Variants in CADM1 observed in about 807,000 individuals in gnomAD.
CADM1 encodes the protein TSLC-1.
In CADM1, 15 loss-of-function variants were observed where a neutral mutation model predicts 53.1. The ratio of observed to expected loss-of-function variants is 0.28; its 90% confidence interval spans 0.19 to 0.44. CADM1 has a LOEUF of 0.44. CADM1 is among the 20% of genes least tolerant of loss of function. CADM1 has a pLI of 1.00. For synonymous variants in CADM1, 281 were observed against 243.0 expected, an observed-to-expected ratio of 1.16 and a Z score of -1.45; for missense variants, 434 against 611.3, an observed-to-expected ratio of 0.71 and a Z score of 3.06.
chr11:115,214,650 T>TG lies in CADM1; in HGVS notation c.951dup (p.Ile318HisfsTer68). ...TAATCCGAGTGAGCTTTCCCCACTA[T>TG]GTTTGAAGCTTCACAGCGGTATGTA... On this transcript the variant is annotated frameshift_variant, in exon 7 of 12. Transcript: ENST00000331581. LOFTEE classifies it high-confidence loss of function. 1 of 1,614,080 alleles carries TG rather than the reference T, an allele frequency of 6.2e-7. No individual in the cohort carries two copies. Among genetic ancestry groups the TG allele is most frequent in the Non-Finnish European group, 8.5e-7 (1 of 1,179,946 alleles).
intron 1 of CADM1, among the ~76,000 whole-genome samples, chr11:115,277,901 T>C (rs1218461844): frequency 1.3e-5 from 2 of 152,138 alleles, no homozygotes; most frequent in African/African-American, 4.8e-5. Flanking sequence ...GCAGAACTCC[T>C]TTCTCTACTG....
chr11:115,356,794 G>C (rs1266708959), intron 1 of CADM1, among the ~76,000 whole-genome samples: 2 of 152,010 alleles, frequency 1.3e-5, no homozygotes, highest in Non-Finnish European at 2.9e-5. Flanking sequence ...ATATACACAC[G>C]AGACAAACTG....
intron 1 of CADM1, among the ~76,000 whole-genome samples, chr11:115,491,552 C>A (rs1447415007): frequency 6.6e-6 from 1 of 151,384 alleles, no homozygotes; most frequent in African/African-American, 2.4e-5. Context: ...GGCAACAGAG[C>A]AAGACTCCAT....
chr11:115,435,969 A>T (rs547960911), intron 1 of CADM1, among the ~76,000 whole-genome samples: 37 of 152,258 alleles, frequency 2.4e-4, no homozygotes, highest in African/African-American at 8.2e-4. Flanking sequence ...ACATCTAAGA[A>T]ACCTACAAAA....
At chr11:115,231,516 T>G (rs1263356623) in intron 3 of CADM1, 26 bp from the exon 4 acceptor site, 2 of 1,610,872 alleles carry the variant, frequency 1.2e-6, no homozygotes, top group Non-Finnish European at 1.7e-6. Context: ...ATGTGCTTTA[T>G]AAACACAGAA....
At chr11:115,443,700 A>G (rs534874566) in intron 1 of CADM1, among the ~76,000 whole-genome samples, 147 of 152,366 alleles carry the variant, frequency 9.6e-4, no homozygotes, top group Non-Finnish European at 1.9e-3. Flanking sequence ...TGAATCAGTC[A>G]TTCGAAAAAC....
chr11:115,461,466 G>A (rs1236767772), intron 1 of CADM1, among the ~76,000 whole-genome samples: 4 of 152,166 alleles, frequency 2.6e-5, no homozygotes, highest in African/African-American at 9.6e-5. Context: ...CAGCCATGAG[G>A]GAATAAGAAA....
At chr11:115,259,026 C>T (rs1942881454) in intron 1 of CADM1, among the ~76,000 whole-genome samples, 1 of 152,022 alleles carries the variant, frequency 6.6e-6, no homozygotes, top group Admixed American at 6.6e-5. Flanking sequence ...TGCTCTGTCA[C>T]CATGGCTGGA....
At chr11:115,220,790 G>A (rs12791813) in intron 5 of CADM1, among the ~76,000 whole-genome samples, 52,710 of 152,002 alleles carry the variant, frequency 0.35, 11,054 homozygotes, top group Non-Finnish European at 0.47. Flanking sequence ...AAACTTAAGC[G>A]TTTTCAACAG....
chr11:115,288,036 T>C (rs1372978409), intron 1 of CADM1, among the ~76,000 whole-genome samples: 1 of 152,172 alleles, frequency 6.6e-6, no homozygotes, highest in African/African-American at 2.4e-5. Context: ...AGCAAGGCCT[T>C]GTGATGAAAT....
At chr11:115,292,402 A>G (rs141357335) in intron 1 of CADM1, among the ~76,000 whole-genome samples, 3 of 152,348 alleles carry the variant, frequency 2.0e-5, no homozygotes, top group African/African-American at 4.8e-5. Context: ...AATGATTTCA[A>G]TGGAAAACAA....
In CADM1 at chr11:115,209,591, A is replaced by ATGG. The variant is rs747352768; in HGVS notation, c.1058_1060dup (p.Thr353dup). 3.2e-3 allele frequency: 2,925 copies of ATGG among 924,502 alleles called. 5 individuals are homozygous for ATGG. Among genetic ancestry groups the ATGG allele is most frequent in the African/African-American group, 0.014 (845 of 58,782 alleles). 57.3% of individuals were successfully genotyped at this position (924,502 alleles called of 1,614,324 possible). On this transcript the variant is annotated inframe_insertion, in exon 8 of 12. Transcript: ENST00000331581. ...TACCATACCTGTGATGATGGTAAGG[A>ATGG]TGGTGGTGGTGGTGGTGGTGGTGGT... is the stretch of plus-strand genomic sequence containing the variant.
At chr11:115,381,846 A>G (rs1043541107) in intron 1 of CADM1, among the ~76,000 whole-genome samples, 2 of 151,992 alleles carry the variant, frequency 1.3e-5, no homozygotes, top group South Asian at 4.2e-4. Context: ...AAGTTCTAAT[A>G]ATAGGATTTT....
intron 10 of CADM1, among the ~76,000 whole-genome samples, chr11:115,184,705 G>A (rs1197108690): frequency 6.6e-6 from 1 of 152,184 alleles, no homozygotes; most frequent in Admixed American, 6.5e-5. Context: ...CAATGTAACT[G>A]CATCTATACT....
At chr11:115,177,382 A>G (rs527901037) in intron 11 of CADM1, among the ~76,000 whole-genome samples, 8 of 152,310 alleles carry the variant, frequency 5.3e-5, no homozygotes, top group Admixed American at 5.2e-4. Flanking sequence ...GGAGAACAAC[A>G]AAGACTGCAC....
chr11:115,190,803 G>A, intron 10 of CADM1, 85 bp downstream of exon 10: 1 of 1,173,886 alleles, frequency 8.5e-7, no homozygotes, highest in South Asian at 1.4e-5. Flanking sequence ...TGATTGCTCA[G>A]CAAACCAAAT....
intron 1 of CADM1, among the ~76,000 whole-genome samples, chr11:115,363,868 G>A (rs1162324858): frequency 6.6e-6 from 1 of 152,026 alleles, no homozygotes; most frequent in Non-Finnish European, 1.5e-5. Flanking sequence ...TATTTTTGCT[G>A]GACATTTTCT....
At chr11:115,257,596 C>G (rs760530141) in intron 1 of CADM1, among the ~76,000 whole-genome samples, 7 of 152,138 alleles carry the variant, frequency 4.6e-5, no homozygotes, top group Admixed American at 1.3e-4. Context: ...AAATGTTTAT[C>G]TGTCAGAAAA....
intron 1 of CADM1, among the ~76,000 whole-genome samples, chr11:115,470,198 A>G (rs1948983142): frequency 6.6e-6 from 1 of 152,240 alleles, no homozygotes; most frequent in Admixed American, 6.5e-5. Context: ...TAATGATTAA[A>G]CTTTTCATAA....
Sources: allele counts gnomAD v4.1 joint callset (sites outside exome capture counted in the v4.1 genomes callset), GRCh38; gene constraint gnomAD v4.1.1; transcripts MANE v1.5; gene names NCBI Gene and HGNC (gene_info 2026-07-23, HGNC 2026-07-21).